The following MAP3K2 variants were observed in gnomAD, a reference collection of about 807,000 sequenced individuals.
The protein encoded by MAP3K2 is MAP/ERK kinase kinase 2.
A neutral mutation model predicts 80.3 loss-of-function variants in MAP3K2; 24 were observed. The ratio of observed to expected loss-of-function variants is 0.30; its 90% CI spans 0.22 to 0.42. MAP3K2 has a LOEUF of 0.42. Ranked by LOEUF, MAP3K2 falls within the 10% of genes least tolerant of loss-of-function variation. MAP3K2 has a pLI of 1.00. For missense variants in MAP3K2, 608 were observed against 750.1 expected, an observed-to-expected ratio of 0.81 and a Z score of 2.21; for synonymous variants, 244 against 253.7, an observed-to-expected ratio of 0.96 and a Z score of 0.36.
intron 11 of MAP3K2, among the ~76,000 whole-genome samples, chr2:127,323,064 G>C (rs1180761347): frequency 6.8e-6 from 1 of 147,050 alleles, no homozygotes; most frequent in African/African-American, 2.5e-5. Context: ...CCAGGAGTTC[G>C]AGACCAGCCT....
At chr2:127,388,338 C>T (rs1574015412), upstream of MAP3K2, 1 of 985,440 alleles carries the variant, frequency 1.0e-6, no homozygotes, top group Non-Finnish European at 1.2e-6. Context: ...GTGGACAGGG[C>T]CCAAGGGTAG....
intron 6 of MAP3K2, 27 bp from the exon 7 acceptor site, chr2:127,330,035 C>G: frequency 7.7e-7 from 1 of 1,304,470 alleles, no homozygotes; most frequent in South Asian, 1.2e-5. Flanking sequence ...ACAGTTAATG[C>G]TATTCTTCCT....
rs1200388580 is a variant in MAP3K2, at chr2:127,302,555, T to G, written c.*5024A>C. The G allele has an allele frequency of 6.6e-6, 1 of 152,106 alleles. No homozygotes were observed. Among genetic ancestry groups the G allele is most frequent in the Non-Finnish European group, 1.5e-5 (1 of 68,016 alleles). The allele number at this position is 152,106 out of a possible 1,614,324, so 9.4% of individuals were successfully genotyped here. On this transcript the variant is annotated 3_prime_UTR_variant, in exon 17 of 17. Coordinates refer to ENST00000682094, the MANE Select transcript of MAP3K2 (RefSeq NM_001371910.2). The stretch of plus-strand genomic sequence containing the variant: ...TATTACCCAAAATGTTAGCTGAGAA[T>G]TAAGGACTAGAATCTGCTATCCCTG...
At chr2:127,359,303 A>G (rs747661309) in intron 1 of MAP3K2, among the ~76,000 whole-genome samples, 23 of 152,172 alleles carry the variant, frequency 1.5e-4, no homozygotes, top group Non-Finnish European at 3.2e-4. Context: ...GGGAGTTAAG[A>G]GGATGAGAAT....
chr2:127,369,923 C>A (rs570055101), intron 1 of MAP3K2, among the ~76,000 whole-genome samples: 12 of 152,240 alleles, frequency 7.9e-5, no homozygotes, highest in African/African-American at 2.4e-4. Context: ...AAGATGTAAA[C>A]CTTCTTGGAA....
chr2:127,378,352 C>A (rs1687184575), intron 1 of MAP3K2, among the ~76,000 whole-genome samples: 1 of 152,188 alleles, frequency 6.6e-6, no homozygotes, highest in African/African-American at 2.4e-5. Context: ...TCTTATCCAA[C>A]ATCCTTAACA....
In MAP3K2 at chr2:127,323,940, C is replaced by T. The variant is rs1286877623; in HGVS notation, c.800G>A (p.Arg267Lys). 1 of 1,567,642 alleles carries T rather than the reference C, an allele frequency of 6.4e-7. No individual in the cohort carries two copies. ...TTGATGATGATATGAAACATGATAC[C>T]TTCTTGGATATGTTCCTCCTTTTCC... ...KFGKGGTYPRRYHVSYHHQEY... is the reference protein window; with the variant it reads ...KFGKGGTYPRKYHVSYHHQEY... Residue 267 changes from arginine (R) to lysine (K), a missense_variant, in exon 11 of 17, where the codon AGG becomes AAG. Coordinates refer to ENST00000682094, the MANE Select transcript of MAP3K2 (RefSeq NM_001371910.2).
In MAP3K2 at chr2:127,364,182, T is replaced by C. The variant is rs938680174; in HGVS notation, c.-65-20988A>G. Among the ~76,000 whole-genome samples, 3 of 152,198 alleles carry C rather than the reference T, an allele frequency of 2.0e-5. No individual in the cohort carries two copies. The highest frequency in any genetic ancestry group is 4.4e-5 in the Non-Finnish European group (3 of 68,030). On this transcript the variant is annotated intron_variant, in intron 1 of 16. Transcript: ENST00000682094. This position sits in a 1 kb window ranked among gnomAD's most constrained non-coding sequence, Gnocchi z 4.1. ...CTGGTCCTTGATTTCTGCTCATCCC[T>C]TGAATACCCATCTCCCCTCTCTTTA...
intron 1 of MAP3K2, among the ~76,000 whole-genome samples, chr2:127,387,247 C>T (rs1687370611): frequency 1.3e-5 from 2 of 152,234 alleles, no homozygotes; most frequent in South Asian, 4.1e-4. Context: ...TTCGCGCTGA[C>T]CTGGGCTTTA....
Position 127,330,027 on chromosome 2 carries a change from A to C in MAP3K2, c.379-19T>G. ...TAGTAGCCTACAAAGGAGAAAAGAC[A>C]GTTAATGCTATTCTTCCTCCTTGGG... is the stretch of plus-strand genomic sequence containing the variant. On this transcript the variant is annotated intron_variant, in intron 6 of 16. Transcript: ENST00000682094. 2 of 1,383,686 alleles carry C rather than the reference A, an allele frequency of 1.4e-6. No homozygotes were observed. Among genetic ancestry groups the C allele is most frequent in the South Asian group, 2.3e-5 (2 of 85,806 alleles). The allele number at this position is 1,383,686 out of a possible 1,614,324, so 85.7% of individuals were successfully genotyped here.
chr2:127,346,137 T>G (rs1573995645), intron 1 of MAP3K2, among the ~76,000 whole-genome samples: 1 of 151,242 alleles, frequency 6.6e-6, no homozygotes, highest in South Asian at 2.1e-4. Context: ...ATTCAAGAAT[T>G]CAAAAGGGAG....
intron 5 of MAP3K2, among the ~76,000 whole-genome samples, chr2:127,332,758 C>T (rs1266236737): frequency 6.6e-6 from 1 of 152,078 alleles, no homozygotes; most frequent in Non-Finnish European, 1.5e-5. Context: ...AGTTCGAGAA[C>T]CATTAAACAG....
rs1443232928 is a variant in MAP3K2 at position 127,305,307 on chromosome 2, T to C, written c.*2272A>G. ...TTCATAAAAGATAAAGAAATTATAA[T>C]AGATCCACACACTTGGGGATTCTTT... On this transcript the variant is annotated 3_prime_UTR_variant, in exon 17 of 17. Coordinates refer to ENST00000682094, the MANE Select transcript of MAP3K2 (RefSeq NM_001371910.2). The C allele has an allele frequency of 1.3e-5, 2 of 151,990 alleles. No individual in the cohort carries two copies. Among genetic ancestry groups the C allele is most frequent in the Non-Finnish European group, 2.9e-5 (2 of 67,868 alleles). 9.4% of individuals were successfully genotyped at this position (151,990 alleles called of 1,614,324 possible).
At chr2:127,357,847 TA>T (rs1314346827) in intron 1 of MAP3K2, among the ~76,000 whole-genome samples, 2 of 152,082 alleles carry the variant, frequency 1.3e-5, no homozygotes, top group Non-Finnish European at 2.9e-5. Context: ...ATATAAGGAC[TA>T]AAACTATAAA....
intron 5 of MAP3K2, among the ~76,000 whole-genome samples, chr2:127,334,923 AC>A (rs1409266066): frequency 1.3e-5 from 2 of 152,084 alleles, no homozygotes; most frequent in African/African-American, 4.8e-5. Context: ...GGTGCACGTC[AC>A]CACGCTCAGC....
chr2:127,317,896 A>G (rs1685938080), intron 13 of MAP3K2, 136 bp from the exon 14 acceptor site: 1 of 818,978 alleles, frequency 1.2e-6, no homozygotes, highest in Non-Finnish European at 1.9e-6. Flanking sequence ...GTCTCTAACC[A>G]ATAACTTTTT....
At position 127,310,721 on chromosome 2, in the gene MAP3K2, T is replaced by G. The variant is rs183998913; in HGVS notation, c.1457-1959A>C. Among the ~76,000 whole-genome samples the G allele has an allele frequency of 7.7e-3, 1,178 of 152,252 alleles. 6 individuals carry two copies. The highest frequency in any genetic ancestry group is 0.013 in the Non-Finnish European group (888 of 68,010). ...GTTTTTTATTCTCTATTTTCACTCT[T>G]ATCATTTTAAAAACTCTATTTTTTC... is the stretch of plus-strand genomic sequence containing the variant. On this transcript the variant is annotated intron_variant, in intron 15 of 16. Transcript: ENST00000682094. The surrounding 1 kb of genome is among the most constrained non-coding windows in gnomAD (Gnocchi z 4.8).
At chr2:127,330,241 A>G (rs980742811) in intron 6 of MAP3K2, 151 bp downstream of exon 6, 1 of 580,040 alleles carries the variant, frequency 1.7e-6, no homozygotes, top group Non-Finnish European at 3.0e-6. Context: ...AGGAGTAAGG[A>G]TATTAAAGTA....
At chr2:127,330,578 A>G in intron 5 of MAP3K2, 73 bp from the exon 6 acceptor site, 1 of 655,552 alleles carries the variant, frequency 1.5e-6, no homozygotes, top group South Asian at 2.0e-5. Context: ...TCCACTACTA[A>G]GGAATTACAA....
Sources: gnomAD v4.1 joint callset for allele counts (sites outside exome capture counted in the v4.1 genomes callset) on GRCh38, gnomAD v4.1.1 for gene constraint, Gnocchi (gnomAD v3.1) non-coding constraint, MANE v1.5 for transcripts, NCBI Gene and HGNC (gene_info 2026-07-23, HGNC 2026-07-21) for gene names.